The following EFHC1 variants were observed in gnomAD, a reference collection of about 807,000 sequenced individuals.
EFHC1 encodes the protein EF-hand domain containing 1.
A neutral mutation model predicts 69.9 loss-of-function variants in EFHC1; 53 were observed. The observed-to-expected ratio is 0.76, with a 90% CI of 0.61 to 0.95. The LOEUF (loss-of-function observed/expected upper bound fraction) is 0.95. Among genes scored for constraint, EFHC1 ranks in the 40% least tolerant of loss-of-function variants. The pLI is 0.00. For missense variants in EFHC1, 739 were observed against 798.7 expected (o/e 0.93, Z 0.90); for synonymous variants, 256 against 278.4 (o/e 0.92, Z 0.80).
intron 7 of EFHC1, among the ~76,000 whole-genome samples, chr6:52,476,908 T>C (rs1294325867): frequency 2.0e-5 from 3 of 152,200 alleles, no homozygotes; most frequent in Non-Finnish European, 4.4e-5. Context: ...TATTGTACTA[T>C]TGTTATTTTC....
chr6:52,479,804 T>G lies in EFHC1; in HGVS notation c.1640+17T>G. 1 of 1,613,552 alleles carries G rather than the reference T, an allele frequency of 6.2e-7. No homozygotes were observed. Among genetic ancestry groups the G allele is most frequent in the Non-Finnish European group, 8.5e-7 (1 of 1,179,958 alleles). ...AGCAGAAAGGTGTGTGTTTGATTGC[T>G]AGGGTTTGGCACACTCAAGATATTC... On this transcript the variant is annotated intron_variant, in intron 9 of 10. Coordinates refer to ENST00000371068, the MANE Select transcript of EFHC1 (RefSeq NM_018100.4).
chr6:52,460,361 G>A (rs1765138127), intron 5 of EFHC1, among the ~76,000 whole-genome samples: 1 of 152,180 alleles, frequency 6.6e-6, no homozygotes, highest in African/African-American at 2.4e-5. Flanking sequence ...GATTGCGTGA[G>A]GATGGTGAGA....
At chr6:52,436,568 A>T (rs1263284845) in intron 2 of EFHC1, among the ~76,000 whole-genome samples, 2 of 152,236 alleles carry the variant, frequency 1.3e-5, no homozygotes, top group Non-Finnish European at 2.9e-5. Context: ...CATTAAAAAC[A>T]GAGACAAAAT....
At chr6:52,453,808 G>C (rs1201256389) in intron 4 of EFHC1, 2 of 1,293,118 alleles carry the variant, frequency 1.5e-6, no homozygotes, top group African/African-American at 3.0e-5. Flanking sequence ...TTTTAATTTA[G>C]CTTCTCTTTC....
intron 7 of EFHC1, among the ~76,000 whole-genome samples, chr6:52,471,986 G>A (rs1765445710): frequency 6.6e-6 from 1 of 151,536 alleles, no homozygotes; most frequent in Non-Finnish European, 1.5e-5. Flanking sequence ...AGCAAAAGAT[G>A]AGAAATAAGC....
intron 5 of EFHC1, among the ~76,000 whole-genome samples, chr6:52,464,191 C>G (rs973708326): frequency 6.6e-6 from 1 of 152,122 alleles, no homozygotes; most frequent in Admixed American, 6.5e-5. Flanking sequence ...AACAGTAAGA[C>G]AAGAATGGAA....
In EFHC1 at chr6:52,492,986, G is replaced by A. The variant is rs1358906652; in HGVS notation, c.*645G>A. ...GATGAGATAAACATTTGAATCAGAA[G>A]ACTAAGTAAAACAGATAGTCCTCCC... On this transcript the variant is annotated 3_prime_UTR_variant, in exon 11 of 11. Transcript: ENST00000371068. 1.3e-5 allele frequency: 6 copies of A among 454,098 alleles called. No individual in the cohort carries two copies. The East Asian group carries it at 4.2e-4, about 32-fold the overall frequency. 28.1% of individuals were successfully genotyped at this position (454,098 alleles called of 1,614,324 possible).
At chr6:52,468,516 A>G (rs1765360533) in intron 6 of EFHC1, 1 of 152,268 alleles carries the variant, frequency 6.6e-6, no homozygotes, top group South Asian at 2.1e-4. Flanking sequence ...GAGGCTTTAT[A>G]GCTACCTTCT....
chr6:52,491,285 GGA>G (rs1340419081), intron 10 of EFHC1, among the ~76,000 whole-genome samples: 1 of 152,188 alleles, frequency 6.6e-6, no homozygotes, highest in African/African-American at 2.4e-5. Flanking sequence ...AACTGACATG[GGA>G]GAGAGGGATG....
At chr6:52,458,874 T>C (rs888855270) in intron 5 of EFHC1, among the ~76,000 whole-genome samples, 7 of 152,154 alleles carry the variant, frequency 4.6e-5, no homozygotes, top group African/African-American at 1.7e-4. Flanking sequence ...CACTGGTGGA[T>C]TGGATAAAGA....
chr6:52,491,610 ATC>A (rs1360628258), intron 10 of EFHC1, among the ~76,000 whole-genome samples: 1 of 152,262 alleles, frequency 6.6e-6, no homozygotes, highest in East Asian at 1.9e-4. Context: ...TACTTGAGAC[ATC>A]TCTACGACAA....
At position 52,492,264 on chromosome 6, in the gene EFHC1, C is replaced by G. The variant is rs372507832; in HGVS notation, c.1852-6C>G. 89 of 1,613,656 alleles carry G rather than the reference C, an allele frequency of 5.5e-5. No homozygotes were observed. Among genetic ancestry groups the G allele is most frequent in the Middle Eastern group, 3.3e-4 (2 of 6,080 alleles). ...GTCTCACCTATTCTCTTTGCTCTCT[C>G]TGCAGTTAATCAGGATGTGCTCTCA... On this transcript the variant is annotated splice_region_variant and splice_polypyrimidine_tract_variant and intron_variant, in intron 10 of 10. Transcript: ENST00000371068.
At chr6:52,440,857 G>T (rs1764647450) in intron 3 of EFHC1, among the ~76,000 whole-genome samples, 1 of 151,790 alleles carries the variant, frequency 6.6e-6, no homozygotes, top group African/African-American at 2.4e-5. Context: ...ATTTCATTGT[G>T]GTTTTGATTT....
Position 52,453,671 on chromosome 6 carries a change from T to G in EFHC1, c.724-424T>G, listed in dbSNP as rs144146487. 1.8e-5 allele frequency: 22 copies of G among 1,257,136 alleles called. No homozygotes were observed. The African/African-American group carries it at 3.1e-4, about 18-fold the overall frequency. The allele number at this position is 1,257,136 out of a possible 1,614,324, so 77.9% of individuals were successfully genotyped here. On this transcript the variant is annotated intron_variant, in intron 4 of 10. Coordinates refer to ENST00000371068, the MANE Select transcript of EFHC1 (RefSeq NM_018100.4). ...GTTTATATTATTGCTAGAAGATATG[T>G]GTTGATGGGACCAAAAAAAGACTGG...
At position 52,423,996 on chromosome 6, in the gene EFHC1, A is replaced by G. The variant is rs1426539890; in HGVS notation, c.114A>G (p.Ala38=). 1 of 1,614,116 alleles carries G rather than the reference A, an allele frequency of 6.2e-7. No homozygotes were observed. Residue 38 remains alanine, a synonymous_variant, in exon 2 of 11, where the codon GCA becomes GCG. Coordinates refer to ENST00000371068, the MANE Select transcript of EFHC1 (RefSeq NM_018100.4). ...SQTLSYRNGY[A]IVRRPTVGIG... is the part of the protein sequence containing the mutation. ...CGCTGAGCTACAGGAACGGCTATGCAATTGTTCGACGTCCAACAGTTGGGA... is the reference window on the plus strand; with the variant it reads ...CGCTGAGCTACAGGAACGGCTATGCGATTGTTCGACGTCCAACAGTTGGGA...
At chr6:52,441,794 T>G (rs1243416099) in intron 3 of EFHC1, among the ~76,000 whole-genome samples, 1 of 152,144 alleles carries the variant, frequency 6.6e-6, no homozygotes, top group Non-Finnish European at 1.5e-5. Flanking sequence ...GTTTTGTAAT[T>G]CTCATTGTAG....
rs1222801387 is a variant in EFHC1, at chr6:52,493,452, ATATT to A, written c.*1112_*1115del. 1 of 394,334 alleles carries A rather than the reference ATATT, an allele frequency of 2.5e-6. No homozygotes were observed. The highest frequency in any genetic ancestry group is 2.2e-5 in the African/African-American group (1 of 45,726). The allele number at this position is 394,334 out of a possible 1,614,324, so 24.4% of individuals were successfully genotyped here. On this transcript the variant is annotated 3_prime_UTR_variant, in exon 11 of 11. Transcript: ENST00000371068. ...ACATATAGTATGTATATGTGTATAT[ATATT>A]ATGTATATACATATATGTGCACACA...
intron 5 of EFHC1, among the ~76,000 whole-genome samples, chr6:52,464,096 C>T (rs1765238946): frequency 6.6e-6 from 1 of 152,194 alleles, no homozygotes; most frequent in South Asian, 2.1e-4. Context: ...TGGCACTCTA[C>T]TAGAACTGAT....
intron 7 of EFHC1, among the ~76,000 whole-genome samples, chr6:52,473,768 A>G (rs1313515718): frequency 1.3e-5 from 2 of 152,080 alleles, no homozygotes; most frequent in Non-Finnish European, 2.9e-5. Context: ...GGTGGCAGAG[A>G]AAGGCTCTGT....
Sources: gnomAD v4.1 joint callset for allele counts (sites outside exome capture counted in the v4.1 genomes callset) on GRCh38, gnomAD v4.1.1 for gene constraint, MANE v1.5 for transcripts, NCBI Gene and HGNC (gene_info 2026-07-23, HGNC 2026-07-21) for gene names.